Variants in ADAR observed in about 807,000 individuals in gnomAD.
The protein encoded by ADAR is double-stranded RNA-specific adenosine deaminase.
In ADAR, 41 loss-of-function variants were observed where a neutral mutation model predicts 113.2. The ratio of observed to expected loss-of-function variants is 0.36; its 90% confidence interval spans 0.28 to 0.47. The LOEUF is 0.47. ADAR is among the 20% of genes least tolerant of loss of function. ADAR has a pLI of 1.00. For synonymous variants in ADAR, 605 were observed against 572.6 expected, an observed-to-expected ratio of 1.06 and a Z score of -0.81; for missense variants, 1,242 against 1,540.9, an observed-to-expected ratio of 0.81 and a Z score of 3.25.
chr1:154,593,576 T>C (rs1697308351), intron 6 of ADAR, among the ~76,000 whole-genome samples: 1 of 152,184 alleles, frequency 6.6e-6, no homozygotes, highest in Admixed American at 6.5e-5. Context: ...GAACCTATCA[T>C]CTGAAGGACT....
At chr1:154,626,367 G>A (rs1270460091) in intron 1 of ADAR, among the ~76,000 whole-genome samples, 1 of 151,886 alleles carries the variant, frequency 6.6e-6, no homozygotes, top group Non-Finnish European at 1.5e-5. Context: ...CACCTGCCTC[G>A]GCCTCCCAAA....
chr1:154,612,325 T>G (rs936539335), upstream of ADAR, among the ~76,000 whole-genome samples: 7 of 126,810 alleles, frequency 5.5e-5, no homozygotes, highest in African/African-American at 1.8e-4. Context: ...TCAGTTTTTT[T>G]TTTTTTTTTT....
exon 1 of ADAR, chr1:154,627,925 A>ACCCC: frequency 1.7e-5 from 5 of 293,256 alleles, no homozygotes; most frequent in Non-Finnish European, 2.7e-5. Flanking sequence ...CCCTCCCCCC[A>ACCCC]CCCTCCCCCA....
Position 154,598,524 on chromosome 1 carries a change from T to C in ADAR, c.1663A>G (p.Lys555Glu). ...ATAGCTGCATCCTGCTTGGCCACTTTCTTGCTTCCAGCTTCAGCTGGGGGA... is the reference window on the plus strand; with the variant it reads ...ATAGCTGCATCCTGCTTGGCCACTTCCTTGCTTCCAGCTTCAGCTGGGGGA... ...EFPPAEAGSK[K>E]VAKQDAAMKA... Residue 555 changes from lysine to glutamate, a missense_variant, in exon 3 of 15, where the codon AAA becomes GAA. Physicochemically the swap from Lys to Glu is moderately conservative, Grantham distance 56. Around this residue, in one of 2 missense-constraint regions of ADAR, gnomAD observed 780 missense variants for 1,057.9 expected, o/e 0.74. Coordinates refer to ENST00000368474, the MANE Select transcript of ADAR (RefSeq NM_001111.5). 1 of 1,614,220 alleles carries C rather than the reference T, an allele frequency of 6.2e-7. No homozygotes were observed. Among genetic ancestry groups the C allele is most frequent in the South Asian group, 1.1e-5 (1 of 91,086 alleles).
chr1:154,585,386 C>A (rs1696687596), intron 13 of ADAR, 42 bp from the exon 14 acceptor site: 1 of 1,613,692 alleles, frequency 6.2e-7, no homozygotes, highest in East Asian at 2.2e-5. Context: ...GGAAACCTTT[C>A]AGGAATAAGA....
At chr1:154,600,705 C>T (rs1571104751) in intron 2 of ADAR, 1 of 358,222 alleles carries the variant, frequency 2.8e-6, no homozygotes, top group East Asian at 6.8e-5. Context: ...AACTCCTGAC[C>T]TCGTGATATG....
chr1:154,622,321 A>G (rs961487131), intron 1 of ADAR, among the ~76,000 whole-genome samples: 3 of 152,184 alleles, frequency 2.0e-5, no homozygotes, highest in Non-Finnish European at 4.4e-5. Flanking sequence ...AGATAGCTCT[A>G]CTTCTGGAGG....
chr1:154,601,193 G>A lies in ADAR; in HGVS notation c.1449C>T (p.Tyr483=), dbSNP rs545436660. ...FRAIMEMPSF[Y]SHGLPRCSPY... ...GTGAACACCGTGGCAAGCCATGACT[G>A]TAGAAGGAGGGCATCTCCATGATGG... The change falls in exon 2 of 15, where the codon TAC becomes TAT. Residue 483 remains tyrosine, a synonymous_variant. Transcript: ENST00000368474. This position sits in a 1 kb window ranked among gnomAD's most constrained non-coding sequence, Gnocchi z 4.7. 8.7e-6 allele frequency: 14 copies of A among 1,614,218 alleles called. No homozygotes were observed. In the South Asian group the frequency reaches 1.5e-4, roughly 18 times the overall value.
rs1697822787 is a variant in ADAR, at chr1:154,600,873, C to T, written c.1601+168G>A. 4 of 955,026 alleles carry T rather than the reference C, an allele frequency of 4.2e-6. No homozygotes were observed. In the Admixed American group the frequency reaches 5.6e-5, roughly 13 times the overall value. 59.2% of individuals were successfully genotyped at this position (955,026 alleles called of 1,614,324 possible). On this transcript the variant is annotated intron_variant, in intron 2 of 14. Transcript: ENST00000368474. ...TGGTCCAAGGTCTATATTCCCTGCTCAATATCTGGAGAAAGGGCCAATCAA... is the reference window on the plus strand; with the variant it reads ...TGGTCCAAGGTCTATATTCCCTGCTTAATATCTGGAGAAAGGGCCAATCAA...
chr1:154,590,536 C>T, intron 6 of ADAR, 127 bp from the exon 7 acceptor site: 1 of 883,176 alleles, frequency 1.1e-6, no homozygotes, highest in Admixed American at 2.0e-5. Flanking sequence ...GAAGCTGTTT[C>T]TAAGGCAGCA....
At chr1:154,594,154 T>TTA (rs1228026834) in intron 6 of ADAR, among the ~76,000 whole-genome samples, 1 of 152,246 alleles carries the variant, frequency 6.6e-6, no homozygotes, top group Non-Finnish European at 1.5e-5. Context: ...AGTGCTGGGA[T>TTA]TATAGGCGTA....
intron 5 of ADAR, 22 bp from the exon 6 acceptor site, chr1:154,597,017 A>G (rs771493513): frequency 6.2e-7 from 1 of 1,614,140 alleles, no homozygotes; most frequent in Admixed American, 1.7e-5. Flanking sequence ...TCCATCAAAC[A>G]GAGGAGCCAT....
At chr1:154,590,115 G>A (rs1415942308) in intron 7 of ADAR, 69 bp downstream of exon 7, 2 of 1,519,982 alleles carry the variant, frequency 1.3e-6, no homozygotes, top group Non-Finnish European at 1.8e-6. Flanking sequence ...GACAGCAAGA[G>A]CCACCTCCAC....
At chr1:154,625,053 G>A (rs1163434411) in intron 1 of ADAR, among the ~76,000 whole-genome samples, 3 of 152,130 alleles carry the variant, frequency 2.0e-5, no homozygotes, top group African/African-American at 7.2e-5. Flanking sequence ...AGCATTTTCC[G>A]AATACCTACT....
intron 1 of ADAR, among the ~76,000 whole-genome samples, chr1:154,604,291 T>C (rs1698056627): frequency 6.6e-6 from 1 of 152,236 alleles, no homozygotes; most frequent in Non-Finnish European, 1.5e-5. Context: ...ACAACTTCAC[T>C]CCTTACTCTG....
At chr1:154,588,339 A>G in intron 10 of ADAR, 81 bp from the exon 11 acceptor site, 3 of 1,602,898 alleles carry the variant, frequency 1.9e-6, no homozygotes, top group Non-Finnish European at 2.6e-6. Context: ...CAGATGTGAC[A>G]GAAGCAAGGG....
chr1:154,618,641 T>C (rs1191463335), intron 1 of ADAR, among the ~76,000 whole-genome samples: 3 of 151,760 alleles, frequency 2.0e-5, no homozygotes, highest in African/African-American at 7.3e-5. Flanking sequence ...AGAAATCCAA[T>C]GCATGATGAG....
At chr1:154,605,211 G>T (rs1433608066) in intron 1 of ADAR, among the ~76,000 whole-genome samples, 2 of 152,046 alleles carry the variant, frequency 1.3e-5, no homozygotes, top group Non-Finnish European at 2.9e-5. Context: ...CATTGCAAAG[G>T]CCTATAATCT....
chr1:154,618,166 A>G (rs1010843125), intron 1 of ADAR, among the ~76,000 whole-genome samples: 8 of 151,040 alleles, frequency 5.3e-5, no homozygotes, highest in Admixed American at 3.3e-4. Flanking sequence ...TTTATTTGCT[A>G]TTAAGAATAC....
Sources: allele counts gnomAD v4.1 joint callset (sites outside exome capture counted in the v4.1 genomes callset), GRCh38; gene constraint gnomAD v4.1.1; regional missense constraint gnomAD v4.1.1; non-coding constraint Gnocchi (gnomAD v3.1); transcripts MANE v1.5; gene names NCBI Gene and HGNC (gene_info 2026-07-23, HGNC 2026-07-21).